The following IL5 variants were observed in gnomAD, a reference collection of about 807,000 sequenced individuals.
IL5 encodes the protein interleukin 5, also known as interleukin-5.
Under a neutral mutation model 16.3 loss-of-function variants are expected in IL5, and 12 were observed. That is an observed-to-expected ratio of 0.74 (90% CI 0.47 to 1.20). The LOEUF is 1.20. Among genes scored for constraint, IL5 ranks in the 50% most tolerant of loss-of-function variants. The pLI is 0.00. For missense variants in IL5, 159 were observed against 153.9 expected, an observed-to-expected ratio of 1.03 and a Z score of -0.17; for synonymous variants, 54 against 56.6, an observed-to-expected ratio of 0.95 and a Z score of 0.21.
upstream of IL5, among the ~76,000 whole-genome samples, chr5:132,548,002 G>A (rs1749819760): frequency 6.6e-6 from 1 of 152,202 alleles, no homozygotes; most frequent in Non-Finnish European, 1.5e-5. Context: ...CCAGGAGGCA[G>A]AGGTTGCCGT....
rs1398667948 is a variant in IL5, at chr5:132,550,447, C to T, written c.42+6227G>A. Among the ~76,000 whole-genome samples, 3 of 151,984 alleles carry T rather than the reference C, an allele frequency of 2.0e-5. 1 individual carries two copies. Among genetic ancestry groups the T allele is most frequent in the Non-Finnish European group, 4.4e-5 (3 of 68,004 alleles). On this transcript the variant is annotated intron_variant, in intron 1 of 2. Transcript: ENST00000450655. ...CAAGCGATTCTCCTGCCTCAGCCTC[C>T]AGAGAAGCTGGGACTAAAGGCACGC...
At chr5:132,543,274 G>A in intron 1 of IL5, 61 bp downstream of exon 1, 1 of 1,495,608 alleles carries the variant, frequency 6.7e-7, no homozygotes, top group East Asian at 2.3e-5. Flanking sequence ...TATAGTAAAG[G>A]AACCATCACA....
intron 1 of IL5, among the ~76,000 whole-genome samples, chr5:132,552,980 T>G (rs1423075523): frequency 6.6e-6 from 1 of 152,106 alleles, no homozygotes; most frequent in Non-Finnish European, 1.5e-5. Flanking sequence ...ATGATCCGCC[T>G]GCCTCAGAGA....
In IL5 at chr5:132,542,141, G is replaced by C. The variant is rs202006760; in HGVS notation, c.180C>G (p.His60Gln). 1.3e-6 allele frequency: 2 copies of C among 1,594,804 alleles called. No homozygotes were observed. Among genetic ancestry groups the C allele is most frequent in the Non-Finnish European group, 1.7e-6 (2 of 1,175,160 alleles). The change falls in exon 3 of 4, where the codon CAC becomes CAG. Residue 60 changes from histidine (H) to glutamine (Q), a missense_variant and splice_region_variant. Coordinates refer to ENST00000231454, the MANE Select transcript of IL5 (RefSeq NM_000879.3). ...GAAAGATTTCTTCAGTGCACAGTTG[G>C]TGCTAAATGAGGAAAATTTTTAAAA... ...LRIPVPVHKN[H>Q]QLCTEEIFQG...
intron 1 of IL5, among the ~76,000 whole-genome samples, chr5:132,552,896 G>A (rs1035422115): frequency 6.6e-5 from 10 of 152,020 alleles, no homozygotes; most frequent in Middle Eastern, 3.2e-3. Flanking sequence ...CACCAGGCCC[G>A]GCTAATTTTT....
chr5:132,542,000 ATG>A lies in IL5; in HGVS notation c.306+13_306+14del. 1.2e-6 allele frequency: 2 copies of A among 1,613,772 alleles called. No homozygotes were observed. Among genetic ancestry groups the A allele is most frequent in the South Asian group, 1.1e-5 (1 of 90,988 alleles). ...GCCAGACAAATATAGCTTCCATTGAATGTGTGTAACTTACTTTTTGGCCGTCA... is the reference window on the plus strand; with the variant it reads ...GCCAGACAAATATAGCTTCCATTGAATGTGTAACTTACTTTTTGGCCGTCA... On this transcript the variant is annotated intron_variant, in intron 3 of 3. Transcript: ENST00000231454.
intron 1 of IL5, among the ~76,000 whole-genome samples, chr5:132,555,368 G>T (rs901779098): frequency 9.2e-5 from 14 of 152,182 alleles, no homozygotes; most frequent in South Asian, 2.1e-4. Context: ...GTAGAATGTT[G>T]GTTGTCAGGG....
At chr5:132,549,334 A>G (rs1347975983) in intron 1 of IL5, among the ~76,000 whole-genome samples, 1 of 152,114 alleles carries the variant, frequency 6.6e-6, no homozygotes, top group African/African-American at 2.4e-5. Flanking sequence ...GATTACAGGC[A>G]TGAGCCACCG....
At chr5:132,553,200 T>A (rs887003335) in intron 1 of IL5, among the ~76,000 whole-genome samples, 4 of 152,208 alleles carry the variant, frequency 2.6e-5, no homozygotes, top group Non-Finnish European at 5.9e-5. Context: ...ATGATAATGA[T>A]CTCCTGAGAG....
upstream of IL5, among the ~76,000 whole-genome samples, chr5:132,548,467 G>C (rs529492160): frequency 1.8e-3 from 278 of 152,288 alleles, 1 homozygote; most frequent in African/African-American, 6.2e-3. Context: ...GAGTTAATGT[G>C]AATACAGCAG....
chr5:132,547,794 G>T (rs1244180116), upstream of IL5, among the ~76,000 whole-genome samples: 1 of 152,178 alleles, frequency 6.6e-6, no homozygotes, highest in Non-Finnish European at 1.5e-5. Flanking sequence ...CTGCGGCGAG[G>T]CATGATGGGT....
At chr5:132,546,774 T>C (rs1220281369), upstream of IL5, among the ~76,000 whole-genome samples, 1 of 152,130 alleles carries the variant, frequency 6.6e-6, no homozygotes, top group African/African-American at 2.4e-5. Context: ...ACCTGTAATC[T>C]CAGCACTTTG....
intron 1 of IL5, among the ~76,000 whole-genome samples, chr5:132,550,864 G>C (rs1450570749): frequency 1.3e-5 from 2 of 152,150 alleles, no homozygotes; most frequent in Admixed American, 1.3e-4. Context: ...AATGAATAAT[G>C]CTGGTTTAAA....
exon 1 of IL5, chr5:132,556,701 C>A: frequency 8.0e-7 from 1 of 1,252,988 alleles, no homozygotes; most frequent in Non-Finnish European, 1.0e-6. Context: ...CAATCCACCC[C>A]ACCACTACCC....
In IL5 at chr5:132,543,465, A is replaced by G. The variant is rs768300703; in HGVS notation, c.14T>C (p.Leu5Pro). MRML[L>P]HLSLLALGAA... Reference sequence around the variant, plus strand: ...TCCAAGAGCTAGCAAACTCAAATGCAGAAGCATCCTCATGGCTCTGAAACG... The same window carrying G: ...TCCAAGAGCTAGCAAACTCAAATGCGGAAGCATCCTCATGGCTCTGAAACG... The change falls in exon 1 of 4, where the codon CTG becomes CCG. Residue 5 changes from leucine to proline, a missense_variant. Physicochemically the swap from Leu to Pro is moderately conservative, Grantham distance 98. Coordinates refer to ENST00000231454, the MANE Select transcript of IL5 (RefSeq NM_000879.3). 1.9e-6 allele frequency: 3 copies of G among 1,614,176 alleles called. No homozygotes were observed. The highest frequency in any genetic ancestry group is 2.2e-5 in the South Asian group (2 of 91,086).
At chr5:132,545,673 T>A (rs1043292594), upstream of IL5, among the ~76,000 whole-genome samples, 5 of 152,122 alleles carry the variant, frequency 3.3e-5, no homozygotes, top group African/African-American at 1.2e-4. Context: ...TGTCTAAAGG[T>A]GGCAGGTGCT....
chr5:132,544,305 T>C (rs953887701), upstream of IL5, among the ~76,000 whole-genome samples: 1 of 152,198 alleles, frequency 6.6e-6, no homozygotes, highest in Admixed American at 6.5e-5. Flanking sequence ...AAATTCAGTC[T>C]CTTTCTGACA....
upstream of IL5, among the ~76,000 whole-genome samples, chr5:132,545,702 G>A (rs1457548887): frequency 6.6e-6 from 1 of 152,144 alleles, no homozygotes; most frequent in Non-Finnish European, 1.5e-5. Context: ...CCAGCTGATG[G>A]TTGCCAGGTG....
chr5:132,547,553 A>G (rs1749813283), upstream of IL5, among the ~76,000 whole-genome samples: 1 of 152,220 alleles, frequency 6.6e-6, no homozygotes, highest in Non-Finnish European at 1.5e-5. Context: ...ATGTGGTATC[A>G]TGGATGACAC....
Sources: allele counts gnomAD v4.1 joint callset (sites outside exome capture counted in the v4.1 genomes callset), GRCh38; gene constraint gnomAD v4.1.1; transcripts MANE v1.5; gene names NCBI Gene and HGNC (gene_info 2026-07-23, HGNC 2026-07-21).